The following IL17RA variants were observed in gnomAD, a reference collection of about 807,000 sequenced individuals.
The protein encoded by IL17RA is interleukin-17 receptor A.
IL17RA carries 34 observed loss-of-function variants against 50.4 expected under a neutral mutation model. The observed-to-expected ratio is 0.67, with a 90% confidence interval of 0.51 to 0.90. The LOEUF is 0.90. Among genes scored for constraint, IL17RA ranks in the 40% least tolerant of loss-of-function variants. The pLI is 0.00. For synonymous variants in IL17RA, 585 were observed against 510.4 expected (o/e 1.15, Z -1.97); for missense variants, 1,276 against 1,169.8 (o/e 1.09, Z -1.32).
chr22:17,097,171 A>G (rs2061371361), intron 2 of IL17RA, 85 bp downstream of exon 2: 1 of 1,311,730 alleles, frequency 7.6e-7, no homozygotes, highest in Non-Finnish European at 1.1e-6. Context: ...AAGTCTTGCC[A>G]TGCCACTCCA....
At chr22:17,101,838 A>G (rs540563994) in intron 5 of IL17RA, among the ~76,000 whole-genome samples, 158 bp from the exon 6 acceptor site, 7 of 152,208 alleles carry the variant, frequency 4.6e-5, no homozygotes, top group African/African-American at 1.7e-4. Context: ...GCTGGCACCC[A>G]TGCCAAGGTG....
Position 17,100,343 on chromosome 22 carries a change from C to T in IL17RA, c.424-12C>T, listed in dbSNP as rs531208196. ...GTAATCCATCCACCTTCCCTTCCTC[C>T]CTTCTCTTCAGTGGCGTTTTACCTT... On this transcript the variant is annotated splice_polypyrimidine_tract_variant and intron_variant, in intron 4 of 12. Coordinates refer to ENST00000319363, the MANE Select transcript of IL17RA (RefSeq NM_014339.7). The T allele has an allele frequency of 1.8e-4, 288 of 1,614,068 alleles. 2 individuals are homozygous for T. The South Asian group carries it at 2.9e-3, about 16-fold the overall frequency.
chr22:17,107,814 G>T (rs1408182953), intron 12 of IL17RA, 46 bp downstream of exon 12: 1 of 1,567,114 alleles, frequency 6.4e-7, no homozygotes, highest in South Asian at 1.1e-5. Flanking sequence ...TAAAGCAGTG[G>T]AGGGTTCTCC....
intron 4 of IL17RA, among the ~76,000 whole-genome samples, chr22:17,099,487 T>G (rs2061382103): frequency 6.6e-6 from 1 of 152,130 alleles, no homozygotes; most frequent in Admixed American, 6.5e-5. Flanking sequence ...CACCCCAGAC[T>G]TCCCAGGCCA....
At chr22:17,094,673 C>CTA (rs1568917416) in intron 1 of IL17RA, among the ~76,000 whole-genome samples, 2 of 47,846 alleles carry the variant, frequency 4.2e-5, no homozygotes, top group Admixed American at 3.7e-4. Flanking sequence ...CTCTCTCTCT[C>CTA]TCTCTCTCTC....
At position 17,097,077 on chromosome 22, in the gene IL17RA, G is replaced by C; in HGVS notation, c.154G>C (p.Val52Leu). 6.2e-7 allele frequency: 1 copy of C among 1,613,606 alleles called. No individual in the cohort carries two copies. Among genetic ancestry groups the C allele is most frequent in the Non-Finnish European group, 8.5e-7 (1 of 1,179,584 alleles). Residue 52 changes from valine to leucine, a missense_variant, in exon 2 of 13, where the codon GTC becomes CTC. Coordinates refer to ENST00000319363, the MANE Select transcript of IL17RA (RefSeq NM_014339.7). ...VCSQPGLNCT[V>L]KNSTCLDDSW... ...TTTTCCACAGGGGCTAAACTGCACG[G>C]TCAAGAATAGTAAGTCATCTTTTTC... is the stretch of plus-strand genomic sequence containing the variant.
intron 11 of IL17RA, 104 bp from the exon 12 acceptor site, chr22:17,107,623 C>A (rs566093240): frequency 5.0e-6 from 5 of 1,000,700 alleles, no homozygotes; most frequent in Non-Finnish European, 6.4e-6. Flanking sequence ...CGGGGCTGCC[C>A]CCTTACCCTT....
chr22:17,099,550 G>A (rs560555919), intron 4 of IL17RA, among the ~76,000 whole-genome samples: 11 of 152,166 alleles, frequency 7.2e-5, no homozygotes, highest in African/African-American at 1.9e-4. Context: ...AAGTCATCAC[G>A]ATGCGAGCCT....
chr22:17,105,647 C>A (rs376227410), intron 10 of IL17RA, 45 bp downstream of exon 10: 1 of 1,607,962 alleles, frequency 6.2e-7, no homozygotes, highest in Non-Finnish European at 8.5e-7. Context: ...CCTCAGGGGA[C>A]ATTCCCCAGT....
At chr22:17,100,888 C>T (rs1393463007) in intron 5 of IL17RA, among the ~76,000 whole-genome samples, 1 of 152,188 alleles carries the variant, frequency 6.6e-6, no homozygotes, top group Non-Finnish European at 1.5e-5. Flanking sequence ...ACCTTACATT[C>T]TGCCTGCATC....
intron 1 of IL17RA, 44 bp downstream of exon 1, chr22:17,085,273 A>T (rs964045492): frequency 1.2e-5 from 19 of 1,533,774 alleles, no homozygotes; most frequent in Non-Finnish European, 1.6e-5. Flanking sequence ...GATGCTGCGG[A>T]CGCGGGGCAA....
Position 17,108,798 on chromosome 22 carries a change from G to A in IL17RA, c.1579G>A (p.Asp527Asn). Reference sequence around the variant, plus strand: ...CGCGGCGCCGCGGTACCCGCTCATGGACAGGTTCGAGGAGGTGTACTTCCG... The same window carrying A: ...CGCGGCGCCGCGGTACCCGCTCATGAACAGGTTCGAGGAGGTGTACTTCCG... ...FGAAPRYPLM[D>N]RFEEVYFRIQ... The change falls in exon 13 of 13, where the codon GAC becomes AAC. Residue 527 changes from aspartate to asparagine, a missense_variant. Transcript: ENST00000319363. The A allele has an allele frequency of 6.2e-7, 1 of 1,607,538 alleles. No homozygotes were observed. The highest frequency in any genetic ancestry group is 8.5e-7 in the Non-Finnish European group (1 of 1,177,116).
At chr22:17,100,883 A>C (rs576048045) in intron 5 of IL17RA, among the ~76,000 whole-genome samples, 1 of 152,066 alleles carries the variant, frequency 6.6e-6, no homozygotes, top group African/African-American at 2.4e-5. Context: ...CTTCCACCTT[A>C]CATTCTGCCT....
chr22:17,105,157 A>T (rs1196085537), intron 9 of IL17RA, among the ~76,000 whole-genome samples: 1 of 151,838 alleles, frequency 6.6e-6, no homozygotes, highest in Non-Finnish European at 1.5e-5. Context: ...TTTCATCCTC[A>T]CTCATTGTGA....
At position 17,095,722 on chromosome 22, in the gene IL17RA, G is replaced by A. The variant is rs546908375; in HGVS notation, c.139-1340G>A. Among the ~76,000 whole-genome samples the A allele has an allele frequency of 5.3e-5, 8 of 152,162 alleles. No homozygotes were observed. In the South Asian group the frequency reaches 1.7e-3, roughly 32 times the overall value. ...TTAGTGTGAGCCTAGGCAGCCAGAT[G>A]GATTTTGTTGGGAACATGTGCGGAG... is the stretch of plus-strand genomic sequence containing the variant. On this transcript the variant is annotated intron_variant, in intron 1 of 12. Transcript: ENST00000319363.
At chr22:17,093,975 C>CTTTATTTTATTTTATTTTA (rs2061356703) in intron 1 of IL17RA, 1 of 147,538 alleles carries the variant, frequency 6.8e-6, no homozygotes, top group Non-Finnish European at 1.5e-5. Flanking sequence ...TTTTATCTTA[C>CTTTATTTTATTTTATTTTA]TTTATTTTAT....
At chr22:17,104,350 GGA>G (rs1164241742) in intron 8 of IL17RA, among the ~76,000 whole-genome samples, 38 of 134,854 alleles carry the variant, frequency 2.8e-4, no homozygotes, top group South Asian at 1.3e-3. Flanking sequence ...GTGCACAGGT[GGA>G]GAGAGTGGTG....
chr22:17,104,313 A>G (rs2061404695), intron 8 of IL17RA, among the ~76,000 whole-genome samples: 2 of 66,152 alleles, frequency 3.0e-5, no homozygotes, highest in Non-Finnish European at 5.8e-5. Flanking sequence ...ACAGGTGGAG[A>G]GAGTGGTGTG....
At position 17,085,054 on chromosome 22, in the gene IL17RA, C is replaced by T; in HGVS notation, c.-38C>T. The T allele has an allele frequency of 7.8e-7, 1 of 1,289,874 alleles. No homozygotes were observed. The highest frequency in any genetic ancestry group is 4.2e-5 in the Admixed American group (1 of 23,800). The allele number at this position is 1,289,874 out of a possible 1,614,324, so 79.9% of individuals were successfully genotyped here. Reference sequence around the variant, plus strand: ...CTCAGAACGTTCGTTCGCTGCGTCCCCAGCCGGGGCCGAGCCCTCCGCGAC... The same window carrying T: ...CTCAGAACGTTCGTTCGCTGCGTCCTCAGCCGGGGCCGAGCCCTCCGCGAC... On this transcript the variant is annotated 5_prime_UTR_variant, in exon 1 of 13. Transcript: ENST00000319363.
Sources: allele counts gnomAD v4.1 joint callset (sites outside exome capture counted in the v4.1 genomes callset), GRCh38; gene constraint gnomAD v4.1.1; transcripts MANE v1.5; gene names NCBI Gene and HGNC (gene_info 2026-07-23, HGNC 2026-07-21).